The following DOCK2 variants were observed in gnomAD, a reference collection of about 807,000 sequenced individuals.
DOCK2 encodes the protein dedicator of cytokinesis 2.
A neutral mutation model predicts 248.9 loss-of-function variants in DOCK2; 87 were observed. That is an observed-to-expected ratio of 0.35 (90% CI 0.29 to 0.42). The LOEUF (loss-of-function observed/expected upper bound fraction) is 0.42, where lower values mean the gene tolerates loss of function less well. Among genes scored for constraint, DOCK2 ranks in the 10% least tolerant of loss-of-function variants. DOCK2 has a pLI of 1.00. For missense variants in DOCK2, 1,747 were observed against 2,300.2 expected, an observed-to-expected ratio of 0.76 and a Z score of 4.92; for synonymous variants, 805 against 821.6, an observed-to-expected ratio of 0.98 and a Z score of 0.35.
At chr5:169,667,507 CA>C (rs1758805285) in intron 2 of DOCK2, among the ~76,000 whole-genome samples, 1 of 152,190 alleles carries the variant, frequency 6.6e-6, no homozygotes, top group Non-Finnish European at 1.5e-5. Flanking sequence ...CAGTGAAAGA[CA>C]GGTAATAATA....
chr5:169,847,214 A>G (rs1770369228), intron 27 of DOCK2, among the ~76,000 whole-genome samples: 1 of 152,176 alleles, frequency 6.6e-6, no homozygotes, highest in Non-Finnish European at 1.5e-5. Flanking sequence ...GATACCCAGT[A>G]TTGAGATTGC....
chr5:169,965,710 C>T (rs780105256), intron 27 of DOCK2, among the ~76,000 whole-genome samples: 4 of 152,322 alleles, frequency 2.6e-5, no homozygotes, highest in Non-Finnish European at 4.4e-5. Context: ...AGAATTTTGA[C>T]ATCTCTCTAA....
At chr5:169,685,557 A>G (rs1320293519) in intron 8 of DOCK2, among the ~76,000 whole-genome samples, 2 of 152,242 alleles carry the variant, frequency 1.3e-5, no homozygotes, top group African/African-American at 2.4e-5. Context: ...CACATTAGAA[A>G]AGAGCTAGGA....
intron 2 of DOCK2, among the ~76,000 whole-genome samples, chr5:169,659,439 A>G (rs1483568776): frequency 1.3e-5 from 2 of 152,142 alleles, no homozygotes; most frequent in African/African-American, 4.8e-5. Context: ...GTAGTGCTGT[A>G]CTGAAACTGG....
At chr5:169,982,261 G>C (rs1053951905) in intron 27 of DOCK2, among the ~76,000 whole-genome samples, 1 of 152,076 alleles carries the variant, frequency 6.6e-6, no homozygotes, top group African/African-American at 2.4e-5. Flanking sequence ...CCAGGTTCCA[G>C]AATAGATCTC....
chr5:170,061,788 C>T (rs1489548568), intron 44 of DOCK2, among the ~76,000 whole-genome samples: 1 of 152,220 alleles, frequency 6.6e-6, no homozygotes, highest in Non-Finnish European at 1.5e-5. Flanking sequence ...CTGAGTCTTT[C>T]AGATATGGCA....
chr5:169,739,202 T>C (rs976578035), intron 22 of DOCK2, among the ~76,000 whole-genome samples: 2 of 152,194 alleles, frequency 1.3e-5, no homozygotes, highest in Non-Finnish European at 2.9e-5. Flanking sequence ...ATGACCATAG[T>C]TTAGAGTAAT....
chr5:169,810,985 TCTCTCACA>T (rs748953532), intron 26 of DOCK2, among the ~76,000 whole-genome samples: 47 of 77,464 alleles, frequency 6.1e-4, no homozygotes, highest in Middle Eastern at 5.9e-3. Context: ...TCTCTCTCTC[TCTCTCACA>T]CACACACACA....
At chr5:169,808,302 G>T (rs895670118) in intron 26 of DOCK2, among the ~76,000 whole-genome samples, 1 of 152,108 alleles carries the variant, frequency 6.6e-6, no homozygotes, top group African/African-American at 2.4e-5. Context: ...GCTTCCATTT[G>T]GGGGGCGCTG....
chr5:170,061,893 G>GC (rs905135854), intron 44 of DOCK2, among the ~76,000 whole-genome samples: 2 of 152,236 alleles, frequency 1.3e-5, no homozygotes, highest in African/African-American at 4.8e-5. Context: ...GCCCCTCAGA[G>GC]CCCCCCCAGA....
intron 27 of DOCK2, among the ~76,000 whole-genome samples, chr5:169,906,287 A>G (rs989648542): frequency 6.6e-6 from 1 of 152,146 alleles, no homozygotes; most frequent in African/African-American, 2.4e-5. Flanking sequence ...GAGTATGATC[A>G]TAGTACTGAC....
chr5:169,821,194 T>G (rs1454474576), intron 26 of DOCK2, among the ~76,000 whole-genome samples: 1 of 152,212 alleles, frequency 6.6e-6, no homozygotes, highest in Non-Finnish European at 1.5e-5. Flanking sequence ...GAAAACACTC[T>G]GCAGGATATT....
At position 170,057,626 on chromosome 5, in the gene DOCK2, C is replaced by T. The variant is rs561287880; in HGVS notation, c.4427C>T (p.Pro1476Leu). ...TCCTTCGTGACTGCATACAAGCTGC[C>T]GGGGATCCTGCGCTGGTTTGAGGTG... ...RTSFVTAYKL[P>L]GILRWFEVVH... Residue 1476 changes from proline to leucine, a missense_variant, in exon 44 of 52, where the codon CCG (proline) becomes CTG (leucine). By Grantham distance (98) the Pro-to-Leu change is moderately conservative (BLOSUM62 -3). Transcript: ENST00000520908. 2 of 1,613,968 alleles carry T rather than the reference C, an allele frequency of 1.2e-6. No homozygotes were observed. The highest frequency in any genetic ancestry group is 1.3e-5 in the African/African-American group (1 of 75,054).
intron 27 of DOCK2, among the ~76,000 whole-genome samples, chr5:169,854,655 G>T (rs1303598845): frequency 6.6e-6 from 1 of 152,224 alleles, no homozygotes; most frequent in African/African-American, 2.4e-5. Flanking sequence ...GTCCTGGTCT[G>T]TCTCTCTTCC....
At chr5:169,751,157 T>A (rs940962644) in intron 23 of DOCK2, among the ~76,000 whole-genome samples, 2 of 152,238 alleles carry the variant, frequency 1.3e-5, no homozygotes, top group Admixed American at 6.5e-5. Flanking sequence ...CATTTATACC[T>A]CTTCCTCCTT....
intron 27 of DOCK2, among the ~76,000 whole-genome samples, chr5:169,848,265 G>A (rs1770432951): frequency 6.6e-6 from 1 of 152,180 alleles, no homozygotes; most frequent in South Asian, 2.1e-4. Flanking sequence ...GTTGTTTGGG[G>A]GAACAGATTG....
intron 22 of DOCK2, among the ~76,000 whole-genome samples, chr5:169,741,431 C>T (rs1411672713): frequency 6.6e-6 from 1 of 152,136 alleles, no homozygotes; most frequent in Non-Finnish European, 1.5e-5. Context: ...TTCTTGGTCC[C>T]AGGTTGTGGG....
rs2113048210 is a variant in DOCK2, at chr5:169,637,341, C to T, written c.15C>T (p.Arg5=). 1 of 1,431,438 alleles carries T rather than the reference C, an allele frequency of 7.0e-7. No individual in the cohort carries two copies. The highest frequency in any genetic ancestry group is 1.4e-5 in the South Asian group (1 of 71,050). 88.7% of individuals were successfully genotyped at this position (1,431,438 alleles called of 1,614,324 possible). A position where few individuals can be genotyped will look rare whatever the true frequency, so the allele number is the denominator to read the frequency against. MAPW[R]KADKERHGVA... is the part of the protein sequence containing the mutation. ...CCGGCCCAGCCATGGCCCCCTGGCG[C>T]AAAGCTGACAAGGAGCGGCACGGCG... The change falls in exon 1 of 52, where the codon CGC becomes CGT. Residue 5 remains arginine (R), a synonymous_variant. Coordinates refer to ENST00000520908, the MANE Select transcript of DOCK2 (RefSeq NM_004946.3).
At chr5:169,937,825 T>G (rs1205987812) in intron 27 of DOCK2, among the ~76,000 whole-genome samples, 1 of 152,226 alleles carries the variant, frequency 6.6e-6, no homozygotes, top group African/African-American at 2.4e-5. Flanking sequence ...ATCATTCTAT[T>G]GGTCACTGAC....
Sources: gnomAD v4.1 joint callset for allele counts (sites outside exome capture counted in the v4.1 genomes callset) on GRCh38, gnomAD v4.1.1 for gene constraint, MANE v1.5 for transcripts, NCBI Gene and HGNC (gene_info 2026-07-23, HGNC 2026-07-21) for gene names.